The following OARD1 variants were observed in gnomAD, a reference collection of about 807,000 sequenced individuals.
OARD1 encodes ADP-ribose glycohydrolase OARD1.
A neutral mutation model predicts 19.7 loss-of-function variants in OARD1; 19 were observed. That is an observed-to-expected ratio of 0.96 (90% CI 0.67 to 1.41). The LOEUF is 1.41. OARD1 is among the 40% of genes most tolerant of loss of function. The probability of loss-of-function intolerance (pLI) is 0.00; values close to 1 mark genes in which losing one functional copy is unlikely to be tolerated. For synonymous variants in OARD1, 70 were observed against 61.8 expected (o/e 1.13, Z -0.62); for missense variants, 190 against 183.8 (o/e 1.03, Z -0.20).
chr6:41,086,977 A>T (rs1288082059), intron 1 of OARD1, among the ~76,000 whole-genome samples: 2 of 152,228 alleles, frequency 1.3e-5, no homozygotes, highest in African/African-American at 4.8e-5. Context: ...TGACTAAAAC[A>T]TAATATGCAT....
At chr6:41,077,876 G>A (rs2114086311) in intron 1 of OARD1, among the ~76,000 whole-genome samples, 1 of 152,276 alleles carries the variant, frequency 6.6e-6, no homozygotes, top group East Asian at 1.9e-4. Context: ...GTTATTTATG[G>A]CTCATAGATT....
Position 41,072,346 on chromosome 6 carries a change from T to C in OARD1, c.-152A>G, listed in dbSNP as rs1383537660. ...AAGTCACCCTTCACCTGGAAAGGAG[T>C]CGGTTGTTTGGAGGTCCCCGCCCCG... is the stretch of plus-strand genomic sequence containing the variant. On this transcript the variant is annotated 5_prime_UTR_variant, in exon 1 of 6. Transcript: ENST00000424266. The C allele has an allele frequency of 6.7e-6, 1 of 149,884 alleles. No homozygotes were observed. Among genetic ancestry groups the C allele is most frequent in the African/African-American group, 2.5e-5 (1 of 40,534 alleles). The allele number at this position is 149,884 out of a possible 1,614,324, so 9.3% of individuals were successfully genotyped here. A position where few individuals can be genotyped will look rare whatever the true frequency, so the allele number is the denominator to read the frequency against.
intron 1 of OARD1, chr6:41,090,082 T>A: frequency 1.5e-6 from 1 of 655,080 alleles, no homozygotes. Flanking sequence ...TGCACTGCAC[T>A]CCAGCCTGGC....
At chr6:41,091,823 T>G in intron 1 of OARD1, 10 of 993,632 alleles carry the variant, frequency 1.0e-5, no homozygotes, top group Non-Finnish European at 1.5e-5. Context: ...GGTAATCTAC[T>G]TTGACAATAA....
intron 4 of OARD1, chr6:41,069,161 G>A (rs939352533): frequency 2.5e-6 from 1 of 396,834 alleles, no homozygotes; most frequent in Non-Finnish European, 4.5e-6. Context: ...GAGAAACCCA[G>A]ACTCTGCCAC....
At chr6:41,091,087 G>A (rs1764187632) in intron 1 of OARD1, among the ~76,000 whole-genome samples, 1 of 152,184 alleles carries the variant, frequency 6.6e-6, no homozygotes, top group Non-Finnish European at 1.5e-5. Context: ...TTGATAGTCT[G>A]GGGACTTGGA....
chr6:41,091,504 G>A (rs1034495678), intron 1 of OARD1: 5 of 1,608,182 alleles, frequency 3.1e-6, no homozygotes, highest in Non-Finnish European at 4.2e-6. Flanking sequence ...TTTTTTGTTT[G>A]TTTTATGTTT....
At position 41,065,382 on chromosome 6, in the gene OARD1, A is replaced by G. The variant is rs1762964876; in HGVS notation, c.*1953T>C. On this transcript the variant is annotated 3_prime_UTR_variant, in exon 6 of 6. Coordinates refer to ENST00000424266, the MANE Select transcript of OARD1 (RefSeq NM_001329686.2). The stretch of plus-strand genomic sequence containing the variant: ...CCATACACATTCAGTACACCCTTCA[A>G]CTGAACTCAACTTAAGATGGGGTTA... 1 of 152,220 alleles carries G rather than the reference A, an allele frequency of 6.6e-6. No individual in the cohort carries two copies. Among genetic ancestry groups the G allele is most frequent in the South Asian group, 2.1e-4 (1 of 4,834 alleles). 9.4% of individuals were successfully genotyped at this position (152,220 alleles called of 1,614,324 possible).
rs1455880919 is a variant in OARD1, at chr6:41,065,841, A to G, written c.*1494T>C. On this transcript the variant is annotated 3_prime_UTR_variant, in exon 6 of 6. Coordinates refer to ENST00000424266, the MANE Select transcript of OARD1 (RefSeq NM_001329686.2). ...ACTTGGGAAAGCAGCAAGTCCTGTG[A>G]CAGACCCAAAGTCACTCTAGGGAGA... The G allele has an allele frequency of 6.6e-6, 1 of 152,246 alleles. No homozygotes were observed. 9.4% of individuals were successfully genotyped at this position (152,246 alleles called of 1,614,324 possible).
chr6:41,068,898 A>G lies in OARD1; in HGVS notation c.299T>C (p.Leu100Ser). Residue 100 changes from leucine (L) to serine (S), a missense_variant, in exon 5 of 6, where the codon TTA becomes TCA. Leu to Ser is a moderately radical substitution (Grantham distance 145). Coordinates refer to ENST00000424266, the MANE Select transcript of OARD1 (RefSeq NM_001329686.2). Reference protein sequence around the residue: ...KPTYENLQKSLEAMKSHCLKN... With the variant: ...KPTYENLQKSSEAMKSHCLKN... Reference sequence around the variant, plus strand: ...CAGACAATGAGACTTCATTGCCTCTAAACTCTTCTGTAAGTTTTCATAAGT... The same window carrying G: ...CAGACAATGAGACTTCATTGCCTCTGAACTCTTCTGTAAGTTTTCATAAGT... 1 of 1,610,818 alleles carries G rather than the reference A, an allele frequency of 6.2e-7. No homozygotes were observed. The highest frequency in any genetic ancestry group is 8.5e-7 in the Non-Finnish European group (1 of 1,178,342).
upstream of OARD1, among the ~76,000 whole-genome samples, chr6:41,074,212 G>A (rs1763661825): frequency 6.6e-6 from 1 of 152,150 alleles, no homozygotes; most frequent in Non-Finnish European, 1.5e-5. Flanking sequence ...ACACTTTCAA[G>A]TCCTGTGTTA....
intron 1 of OARD1, among the ~76,000 whole-genome samples, chr6:41,085,107 AAG>A (rs764334602): frequency 3.9e-5 from 6 of 152,208 alleles, no homozygotes; most frequent in Non-Finnish European, 7.3e-5. Flanking sequence ...TGTGGAGAAA[AAG>A]AATTAATCAT....
upstream of OARD1, among the ~76,000 whole-genome samples, chr6:41,073,660 G>C (rs1420919009): frequency 6.6e-6 from 1 of 152,008 alleles, no homozygotes; most frequent in Non-Finnish European, 1.5e-5. Flanking sequence ...GCGGCCGCGG[G>C]GTCCCGTGTG....
chr6:41,089,832 AT>A (rs1764153198), intron 1 of OARD1: 1 of 1,402,014 alleles, frequency 7.1e-7, no homozygotes, highest in Non-Finnish European at 9.5e-7. Context: ...AAAAAAATAT[AT>A]TTTTGGCCGG....
At chr6:41,076,562 A>G (rs1186150153), upstream of OARD1, among the ~76,000 whole-genome samples, 1 of 152,214 alleles carries the variant, frequency 6.6e-6, no homozygotes, top group African/African-American at 2.4e-5. Context: ...GTGGTTGGCT[A>G]AGTCTCAGCT....
intron 1 of OARD1, among the ~76,000 whole-genome samples, chr6:41,085,142 T>C (rs1764010066): frequency 2.6e-5 from 4 of 152,192 alleles, no homozygotes; most frequent in Admixed American, 2.6e-4. Flanking sequence ...TTTAAAACTG[T>C]AGAGTTATTT....
chr6:41,083,370 A>T (rs1273648246), intron 1 of OARD1, among the ~76,000 whole-genome samples: 1 of 152,258 alleles, frequency 6.6e-6, no homozygotes, highest in Non-Finnish European at 1.5e-5. Flanking sequence ...CCAGTGAGGA[A>T]TTCCACCATG....
intron 1 of OARD1, among the ~76,000 whole-genome samples, chr6:41,081,256 G>A (rs969571166): frequency 4.6e-5 from 7 of 152,112 alleles, no homozygotes; most frequent in African/African-American, 1.2e-4. Flanking sequence ...TTGGGAGGCC[G>A]AGGCAGGCGG....
At chr6:41,093,456 A>T (rs1057433537) in intron 1 of OARD1, among the ~76,000 whole-genome samples, 15 of 152,088 alleles carry the variant, frequency 9.9e-5, no homozygotes, top group African/African-American at 3.6e-4. Flanking sequence ...AAAGGGAACA[A>T]GAAAGGTACC....
Sources: allele counts gnomAD v4.1 joint callset (sites outside exome capture counted in the v4.1 genomes callset), GRCh38; gene constraint gnomAD v4.1.1; transcripts MANE v1.5; gene names NCBI Gene and HGNC (gene_info 2026-07-23, HGNC 2026-07-21).